Variants in CACNA1D observed in about 807,000 individuals in gnomAD.
CACNA1D encodes calcium voltage-gated channel subunit alpha1 D, also known as voltage-dependent L-type calcium channel subunit alpha-1D.
Under a neutral mutation model 257.1 loss-of-function variants are expected in CACNA1D, and 55 were observed. The ratio of observed to expected loss-of-function variants is 0.21; its 90% confidence interval spans 0.17 to 0.27. The LOEUF (loss-of-function observed/expected upper bound fraction) is 0.27. CACNA1D is among the 10% of genes least tolerant of loss of function. The pLI is 1.00. For missense variants in CACNA1D, 1,876 were observed against 2,784.0 expected (o/e 0.67, Z 7.34); for synonymous variants, 980 against 1,014.9 (o/e 0.97, Z 0.65).
chr3:53,507,083 A>AAC (rs1553707843), intron 3 of CACNA1D, among the ~76,000 whole-genome samples: 4 of 150,714 alleles, frequency 2.7e-5, no homozygotes, highest in Non-Finnish European at 4.4e-5. Flanking sequence ...AAAAAAAAAA[A>AAC]AAAAAAAAAA....
intron 3 of CACNA1D, among the ~76,000 whole-genome samples, chr3:53,599,735 T>A (rs1434093594): frequency 6.6e-6 from 1 of 152,228 alleles, no homozygotes; most frequent in Admixed American, 6.5e-5. Context: ...TACTAATTTG[T>A]ACCTGAACCT....
chr3:53,495,365 A>G lies in CACNA1D; in HGVS notation c.67+132A>G. On this transcript the variant is annotated intron_variant, in intron 1 of 47. Transcript: ENST00000350061. The surrounding 1 kb of genome is among the most constrained non-coding windows in gnomAD (Gnocchi z 5.1). ...GGGTGCTGCCAGCTCGGTGTCGTCT[A>G]CACAGAGAGGGGACATGCGTGACAG... 2.0e-6 allele frequency: 2 copies of G among 1,024,130 alleles called. No homozygotes were observed. Among genetic ancestry groups the G allele is most frequent in the Non-Finnish European group, 3.1e-6 (2 of 653,358 alleles). The allele number at this position is 1,024,130 out of a possible 1,614,324, so 63.4% of individuals were successfully genotyped here. A position where few individuals can be genotyped will look rare whatever the true frequency, so the allele number is the denominator to read the frequency against.
intron 4 of CACNA1D, among the ~76,000 whole-genome samples, chr3:53,659,693 T>C (rs1235430836): frequency 6.6e-6 from 1 of 152,240 alleles, no homozygotes; most frequent in East Asian, 1.9e-4. Context: ...CGAGTTTGTT[T>C]TCTCGTGTGT....
At chr3:53,671,604 C>T (rs1417172596) in intron 7 of CACNA1D, among the ~76,000 whole-genome samples, 2 of 152,258 alleles carry the variant, frequency 1.3e-5, no homozygotes, top group Non-Finnish European at 2.9e-5. Context: ...ATTCATTACT[C>T]TAATTGCCAA....
chr3:53,498,482 A>G (rs2090443123), intron 2 of CACNA1D, among the ~76,000 whole-genome samples: 1 of 152,136 alleles, frequency 6.6e-6, no homozygotes, highest in Admixed American at 6.5e-5. Context: ...CAGATGATTC[A>G]TTGGTCTGGG....
rs2095475405 is a variant in CACNA1D at position 53,789,942 on chromosome 3, T to G, written c.4923+2990T>G. On this transcript the variant is annotated intron_variant, in intron 40 of 47. Coordinates refer to ENST00000350061, the MANE Select transcript of CACNA1D (RefSeq NM_001128840.3). The surrounding 1 kb of genome is among the most constrained non-coding windows in gnomAD (Gnocchi z 4.2). ...AATGGCTTGAGCTCCTGGATCCATG[T>G]GTGGGAAGGAGCTCGGCATCCGGTG... Among the ~76,000 whole-genome samples, 1 of 152,200 alleles carries G rather than the reference T, an allele frequency of 6.6e-6. No homozygotes were observed. Among genetic ancestry groups the G allele is most frequent in the Non-Finnish European group, 1.5e-5 (1 of 68,034 alleles).
chr3:53,544,826 C>T (rs531658408), intron 3 of CACNA1D, among the ~76,000 whole-genome samples: 1 of 152,338 alleles, frequency 6.6e-6, no homozygotes, highest in East Asian at 1.9e-4. Flanking sequence ...CTGTGCTACT[C>T]TCAAGCGCTG....
chr3:53,629,462 A>G (rs2093798477), intron 3 of CACNA1D, among the ~76,000 whole-genome samples: 1 of 152,276 alleles, frequency 6.6e-6, no homozygotes, highest in Non-Finnish European at 1.5e-5. Context: ...ACAGAATGAA[A>G]GCATCCTTTA....
intron 30 of CACNA1D, among the ~76,000 whole-genome samples, chr3:53,763,998 A>G (rs2095318362): frequency 6.6e-6 from 1 of 151,640 alleles, no homozygotes; most frequent in Admixed American, 6.6e-5. Context: ...TTTCCCTGTA[A>G]TAAGTAAAAC....
intron 3 of CACNA1D, among the ~76,000 whole-genome samples, chr3:53,541,552 G>C (rs980798264): frequency 6.6e-6 from 1 of 152,188 alleles, no homozygotes; most frequent in East Asian, 1.9e-4. Flanking sequence ...CAGCTAACGT[G>C]AGGGCTCTCC....
chr3:53,619,687 C>T (rs2093675545), intron 3 of CACNA1D, among the ~76,000 whole-genome samples: 2 of 152,302 alleles, frequency 1.3e-5, no homozygotes, highest in African/African-American at 4.8e-5. Context: ...AGTAGAAGAT[C>T]CCTCAGCAGA....
intron 3 of CACNA1D, among the ~76,000 whole-genome samples, chr3:53,544,523 G>A (rs2092371211): frequency 6.6e-6 from 1 of 152,106 alleles, no homozygotes; most frequent in Admixed American, 6.5e-5. Flanking sequence ...CCAGTCCTGG[G>A]ATGATGCAGG....
At chr3:53,535,460 G>A (rs1208026542) in intron 3 of CACNA1D, among the ~76,000 whole-genome samples, 2 of 152,188 alleles carry the variant, frequency 1.3e-5, no homozygotes, top group Non-Finnish European at 2.9e-5. Flanking sequence ...CTTTGGCTTA[G>A]AATTCTAGCC....
At chr3:53,554,777 C>T (rs938086519) in intron 3 of CACNA1D, among the ~76,000 whole-genome samples, 1 of 152,118 alleles carries the variant, frequency 6.6e-6, no homozygotes, top group Non-Finnish European at 1.5e-5. Context: ...GGCCTTGTAC[C>T]CAGTAAACAA....
In CACNA1D at chr3:53,774,412, T is replaced by A; in HGVS notation, c.4111-175T>A. On this transcript the variant is annotated intron_variant, in intron 33 of 47. Transcript: ENST00000350061. The surrounding 1 kb of genome is among the most constrained non-coding windows in gnomAD (Gnocchi z 4.3). ...AGCACCACGTTCCCAGTGTGTAACC[T>A]GCTGCCTGGCACATGGTTGTGCCTG... The A allele has an allele frequency of 1.6e-6, 1 of 623,186 alleles. No individual in the cohort carries two copies. The highest frequency in any genetic ancestry group is 1.8e-5 in the South Asian group (1 of 54,880). The allele number at this position is 623,186 out of a possible 1,614,324, so 38.6% of individuals were successfully genotyped here.
At chr3:53,689,724 T>C (rs561439461) in intron 8 of CACNA1D, among the ~76,000 whole-genome samples, 53 of 152,308 alleles carry the variant, frequency 3.5e-4, no homozygotes, top group African/African-American at 1.3e-3. Flanking sequence ...AATGGTGCGA[T>C]TGTAGCTCAT....
chr3:53,593,519 C>G (rs1296266453), intron 3 of CACNA1D, among the ~76,000 whole-genome samples: 2 of 152,222 alleles, frequency 1.3e-5, no homozygotes, highest in Non-Finnish European at 2.9e-5. Flanking sequence ...TGTGTTCACT[C>G]TGCTCCCAAA....
chr3:53,512,144 C>T (rs2091139339), intron 3 of CACNA1D, among the ~76,000 whole-genome samples: 1 of 152,256 alleles, frequency 6.6e-6, no homozygotes, highest in South Asian at 2.1e-4. Flanking sequence ...TCTCTGTAGG[C>T]TTACACAAAT....
rs149510718 is a variant in CACNA1D, at chr3:53,666,592, T to G, written c.1116+57T>G. The G allele has an allele frequency of 5.0e-5, 72 of 1,449,304 alleles. No homozygotes were observed. In the East Asian group the frequency reaches 1.6e-3, roughly 32 times the overall value. 89.8% of individuals were successfully genotyped at this position (1,449,304 alleles called of 1,614,324 possible). On this transcript the variant is annotated intron_variant, in intron 7 of 47. Coordinates refer to ENST00000350061, the MANE Select transcript of CACNA1D (RefSeq NM_001128840.3). ...GTTCTTTGCTTGGATAAGTGGGTTT[T>G]GTGAGCTAGAGCCACTGGAGAGGTG...
Sources: allele counts gnomAD v4.1 joint callset (sites outside exome capture counted in the v4.1 genomes callset), GRCh38; gene constraint gnomAD v4.1.1; non-coding constraint Gnocchi (gnomAD v3.1); transcripts MANE v1.5; gene names NCBI Gene and HGNC (gene_info 2026-07-23, HGNC 2026-07-21).